Variants in MYRFL observed in about 807,000 individuals in gnomAD.
MYRFL encodes myelin regulatory factor-like protein.
In MYRFL, 88 loss-of-function variants were observed where a neutral mutation model predicts 109.4. The observed-to-expected ratio is 0.80, with a 90% confidence interval of 0.68 to 0.96. MYRFL has a LOEUF of 0.96. Ranked by LOEUF, MYRFL falls within the 40% of genes least tolerant of loss-of-function variation. MYRFL has a pLI of 0.00. For missense variants in MYRFL, 957 were observed against 954.9 expected (o/e 1.00, Z -0.03); for synonymous variants, 324 against 320.9 (o/e 1.01, Z -0.10).
intron 1 of MYRFL, among the ~76,000 whole-genome samples, chr12:69,847,296 G>A (rs770569576): frequency 2.0e-5 from 3 of 152,148 alleles, no homozygotes; most frequent in Non-Finnish European, 4.4e-5. Flanking sequence ...AGAACAGAGA[G>A]CATATGCCCC....
chr12:69,859,258 C>G (rs1178481776), intron 2 of MYRFL, among the ~76,000 whole-genome samples: 1 of 152,058 alleles, frequency 6.6e-6, no homozygotes, highest in East Asian at 1.9e-4. Context: ...CTTTATGACC[C>G]AGAATATGAT....
In MYRFL at chr12:69,957,901, G is replaced by C. The variant is rs1164727039; in HGVS notation, c.2530G>C (p.Gly844Arg). 1 of 1,535,082 alleles carries C rather than the reference G, an allele frequency of 6.5e-7. No homozygotes were observed. Among genetic ancestry groups the C allele is most frequent in the Non-Finnish European group, 8.7e-7 (1 of 1,146,144 alleles). The part of the protein sequence containing the change: ...ICFHSKRGTK[G>R]LESHREISQE... ...TTTCCATAGTAAAAGGGGAACCAAA[G>C]GGCTGGAAAGCCACAGAGAAATCTC... The change falls in exon 23 of 25, where the codon GGG becomes CGG. Residue 844 changes from glycine (G) to arginine (R), a missense_variant. By Grantham distance (125) the Gly-to-Arg change is moderately radical. Transcript: ENST00000552032.
chr12:69,858,411 G>C (rs1259993112), intron 2 of MYRFL, among the ~76,000 whole-genome samples: 4 of 151,946 alleles, frequency 2.6e-5, no homozygotes, highest in African/African-American at 7.2e-5. Flanking sequence ...GGATGAGATA[G>C]TGTAGAATTG....
chr12:69,914,888 A>G (rs532399754), intron 13 of MYRFL, among the ~76,000 whole-genome samples: 18 of 152,288 alleles, frequency 1.2e-4, no homozygotes, highest in Admixed American at 3.9e-4. Flanking sequence ...GATGCAATCT[A>G]TGGAGATGTC....
At chr12:69,882,829 G>T (rs1886213657) in intron 5 of MYRFL, among the ~76,000 whole-genome samples, 1 of 152,178 alleles carries the variant, frequency 6.6e-6, no homozygotes, top group African/African-American at 2.4e-5. Flanking sequence ...TCCAGCCCTA[G>T]AGTCATGGCC....
intron 19 of MYRFL, among the ~76,000 whole-genome samples, chr12:69,938,423 T>C (rs1955534638): frequency 6.6e-6 from 1 of 152,198 alleles, no homozygotes; most frequent in African/African-American, 2.4e-5. Context: ...TCTTGACCTC[T>C]GAACAAGTTC....
intron 4 of MYRFL, among the ~76,000 whole-genome samples, 181 bp from the exon 5 acceptor site, chr12:69,880,020 G>T (rs1268960890): frequency 1.3e-5 from 2 of 152,098 alleles, no homozygotes; most frequent in Admixed American, 6.5e-5. Flanking sequence ...TATCTTTCAG[G>T]TTGGTGAATC....
At chr12:69,862,054 G>A in intron 2 of MYRFL, among the ~76,000 whole-genome samples, 1 of 150,066 alleles carries the variant, frequency 6.7e-6, no homozygotes, top group African/African-American at 2.4e-5. Flanking sequence ...AGATCAGATA[G>A]TTGTAGATAT....
intron 1 of MYRFL, among the ~76,000 whole-genome samples, chr12:69,827,024 G>A (rs1882323919): frequency 6.6e-6 from 1 of 152,052 alleles, no homozygotes; most frequent in Non-Finnish European, 1.5e-5. Context: ...GCAGTCCAGT[G>A]CTCTACCTCT....
In MYRFL at chr12:69,893,868, G is replaced by C. The variant is rs1167609867; in HGVS notation, c.980+28G>C. The C allele has an allele frequency of 3.4e-6, 4 of 1,191,882 alleles. No individual in the cohort carries two copies. The African/African-American group carries it at 6.4e-5, about 19-fold the overall frequency. The allele number at this position is 1,191,882 out of a possible 1,614,324, so 73.8% of individuals were successfully genotyped here. A position where few individuals can be genotyped will look rare whatever the true frequency, so the allele number is the denominator to read the frequency against. On this transcript the variant is annotated intron_variant, in intron 8 of 24. Coordinates refer to ENST00000552032, the MANE Select transcript of MYRFL (RefSeq NM_182530.3). ...AAGAATTTATTTTCTGAATTCCTTT[G>C]TGAATGTTTTGTGAATAAACACCTA... is the stretch of plus-strand genomic sequence containing the variant.
intron 1 of MYRFL, among the ~76,000 whole-genome samples, chr12:69,842,147 T>A (rs1332908051): frequency 6.6e-6 from 1 of 152,194 alleles, no homozygotes; most frequent in Non-Finnish European, 1.5e-5. Context: ...ATATCACATG[T>A]CCACTGTGTT....
chr12:69,853,784 C>G (rs979941965), intron 1 of MYRFL, among the ~76,000 whole-genome samples: 1 of 147,078 alleles, frequency 6.8e-6, no homozygotes, highest in African/African-American at 2.5e-5. Context: ...ACATCCCAGA[C>G]GATGGTTGGC....
intron 10 of MYRFL, among the ~76,000 whole-genome samples, chr12:69,903,395 T>C (rs1338233435): frequency 6.6e-6 from 1 of 152,120 alleles, no homozygotes; most frequent in East Asian, 1.9e-4. Flanking sequence ...ATAGATGCAA[T>C]AGAGATTGGA....
At chr12:69,833,190 TAGAGA>T (rs1882738908) in intron 1 of MYRFL, among the ~76,000 whole-genome samples, 1 of 151,822 alleles carries the variant, frequency 6.6e-6, no homozygotes, top group Non-Finnish European at 1.5e-5. Flanking sequence ...AGAGTACAGA[TAGAGA>T]AAAGGGTCCC....
chr12:69,946,631 T>C (rs1046021703), intron 19 of MYRFL: 5 of 152,206 alleles, frequency 3.3e-5, no homozygotes, highest in Non-Finnish European at 1.5e-5. Context: ...ATAGGAGATA[T>C]GTTGCTTTTC....
chr12:69,858,758 T>G (rs2136323633), intron 2 of MYRFL, among the ~76,000 whole-genome samples: 1 of 152,028 alleles, frequency 6.6e-6, no homozygotes, highest in South Asian at 2.1e-4. Flanking sequence ...ATGTGGACGT[T>G]TATCAATTTT....
At chr12:69,861,260 C>G (rs1398567150) in intron 2 of MYRFL, among the ~76,000 whole-genome samples, 2 of 151,952 alleles carry the variant, frequency 1.3e-5, no homozygotes, top group East Asian at 1.9e-4. Flanking sequence ...TGGGTATATA[C>G]CCAGTAATGG....
chr12:69,900,282 C>T (rs1260415843), intron 10 of MYRFL, among the ~76,000 whole-genome samples: 1 of 152,126 alleles, frequency 6.6e-6, no homozygotes. Context: ...CACACGCATT[C>T]CTCTTTTGGA....
intron 19 of MYRFL, chr12:69,946,956 C>T (rs1955855728): frequency 6.6e-6 from 1 of 152,288 alleles, no homozygotes; most frequent in African/African-American, 2.4e-5. Flanking sequence ...CCTTCTGCCT[C>T]CTCCTGGCAA....
Sources: allele counts gnomAD v4.1 joint callset (sites outside exome capture counted in the v4.1 genomes callset), GRCh38; gene constraint gnomAD v4.1.1; transcripts MANE v1.5; gene names NCBI Gene and HGNC (gene_info 2026-07-23, HGNC 2026-07-21).